The following MRPL37 variants were observed in gnomAD, a reference collection of about 807,000 sequenced individuals.
MRPL37 encodes the protein large ribosomal subunit protein mL37.
A neutral mutation model predicts 44.1 loss-of-function variants in MRPL37; 34 were observed. The observed-to-expected ratio is 0.77, with a 90% confidence interval of 0.59 to 1.03. The LOEUF is 1.03. Ranked by LOEUF, MRPL37 falls within the 50% of genes least tolerant of loss-of-function variation. The probability of loss-of-function intolerance (pLI) is 0.00; values close to 1 mark genes in which losing one functional copy is unlikely to be tolerated. For synonymous variants in MRPL37, 212 were observed against 219.5 expected, an observed-to-expected ratio of 0.97 and a Z score of 0.30; for missense variants, 532 against 543.7, an observed-to-expected ratio of 0.98 and a Z score of 0.21.
At chr1:54,225,244 T>TC (rs1644269087), downstream of MRPL37, 1 of 1,234,114 alleles carries the variant, frequency 8.1e-7, no homozygotes, top group Non-Finnish European at 1.0e-6. Flanking sequence ...CAACCCACCT[T>TC]CCGCCAAGGC....
intron 5 of MRPL37, among the ~76,000 whole-genome samples, chr1:54,214,141 C>T (rs1644183169): frequency 6.6e-6 from 1 of 152,168 alleles, no homozygotes; most frequent in Non-Finnish European, 1.5e-5. Flanking sequence ...TGAAAGATTG[C>T]ACCACTACAC....
At chr1:54,212,996 C>T (rs1644175169) in intron 5 of MRPL37, among the ~76,000 whole-genome samples, 1 of 152,198 alleles carries the variant, frequency 6.6e-6, no homozygotes, top group African/African-American at 2.4e-5. Context: ...GCTAGGTCTG[C>T]CCCACTCTGA....
At chr1:54,225,393 A>G (rs1009760785), downstream of MRPL37, 6 of 1,233,966 alleles carry the variant, frequency 4.9e-6, no homozygotes, top group African/African-American at 4.7e-5. Context: ...TCAGTGTAAT[A>G]AACTCCAACC....
At chr1:54,224,208 C>T (rs1644257765), downstream of MRPL37, among the ~76,000 whole-genome samples, 1 of 152,234 alleles carries the variant, frequency 6.6e-6, no homozygotes, top group South Asian at 2.1e-4. Flanking sequence ...TCAGTCTCTT[C>T]ATCTCTCCAA....
chr1:54,225,008 G>C (rs1039934371), downstream of MRPL37: 1 of 1,057,946 alleles, frequency 9.5e-7, no homozygotes, highest in Non-Finnish European at 1.2e-6. Context: ...TGGGGGCCTG[G>C]GGTGAAGCCA....
chr1:54,206,883 C>T (rs1273453914), intron 3 of MRPL37, among the ~76,000 whole-genome samples: 4 of 149,052 alleles, frequency 2.7e-5, no homozygotes, highest in South Asian at 2.2e-4. Flanking sequence ...TACAGGTACC[C>T]GCCACCATGC....
chr1:54,212,282 T>A (rs939798866), intron 4 of MRPL37, among the ~76,000 whole-genome samples: 1 of 152,216 alleles, frequency 6.6e-6, no homozygotes, highest in African/African-American at 2.4e-5. Flanking sequence ...GTGAATGTGG[T>A]TGTGCTCCAG....
chr1:54,215,798 C>T (rs1039155226), intron 5 of MRPL37, among the ~76,000 whole-genome samples: 1 of 152,196 alleles, frequency 6.6e-6, no homozygotes, highest in East Asian at 1.9e-4. Context: ...TATCAAGTAA[C>T]GCCAGGAGTT....
chr1:54,209,450 ATTTTTTT>A (rs35454838), intron 3 of MRPL37, among the ~76,000 whole-genome samples: 1 of 137,710 alleles, frequency 7.3e-6, no homozygotes, highest in African/African-American at 2.7e-5. Context: ...AAAGTCTTTA[ATTTTTTT>A]TTTTTTTTTT....
chr1:54,203,467 CTTTTTTTTT>C (rs780467512), intron 1 of MRPL37, among the ~76,000 whole-genome samples: 50 of 98,884 alleles, frequency 5.1e-4, no homozygotes, highest in African/African-American at 2.0e-3. Flanking sequence ...ACTTCATTTA[CTTTTTTTTT>C]TTTTTTTTTT....
Position 54,200,345 on chromosome 1 carries a change from C to T in MRPL37, c.102C>T (p.Gly34=), listed in dbSNP as rs754723882. ...CGAGACGCGGGGCGTATGAGTGGGG[C>T]GTGCGCTCCACGCGGAAGTCGGAGC... ...GAPRRGAYEW[G]VRSTRKSEPP... Residue 34 remains glycine, a synonymous_variant, in exon 1 of 7, where the codon GGC becomes GGT. Transcript: ENST00000360840. 3.1e-6 allele frequency: 5 copies of T among 1,613,962 alleles called. No individual in the cohort carries two copies. In the South Asian group the frequency reaches 5.5e-5, roughly 18 times the overall value.
At chr1:54,205,235 A>G (rs1489779457) in intron 2 of MRPL37, 34 bp downstream of exon 2, 1 of 1,608,230 alleles carries the variant, frequency 6.2e-7, no homozygotes, top group Middle Eastern at 1.7e-4. Flanking sequence ...ATTTCCTACT[A>G]ATGGATCTTC....
At chr1:54,220,827 G>A (rs949026558), downstream of MRPL37, 10 of 468,652 alleles carry the variant, frequency 2.1e-5, no homozygotes, top group Non-Finnish European at 4.4e-5. Flanking sequence ...CCCACGAGAG[G>A]AACTTCCAGC....
At chr1:54,205,943 C>G (rs1644118517) in intron 3 of MRPL37, among the ~76,000 whole-genome samples, 1 of 152,114 alleles carries the variant, frequency 6.6e-6, no homozygotes, top group Non-Finnish European at 1.5e-5. Context: ...CTTAGTCTTT[C>G]TAGTCTTATC....
At chr1:54,203,477 T>TC (rs1644099073) in intron 1 of MRPL37, among the ~76,000 whole-genome samples, 1 of 144,784 alleles carries the variant, frequency 6.9e-6, no homozygotes, top group East Asian at 2.0e-4. Flanking sequence ...CTTTTTTTTT[T>TC]TTTTTTTTTT....
At position 54,218,250 on chromosome 1, in the gene MRPL37, G is replaced by C; in HGVS notation, c.*1G>C. ...TCTATATTTGCATGGTGCTGCGTGAGCGGAGGACCCCTCTGAATCCTGAAA... is the reference window on the plus strand; with the variant it reads ...TCTATATTTGCATGGTGCTGCGTGACCGGAGGACCCCTCTGAATCCTGAAA... On this transcript the variant is annotated 3_prime_UTR_variant, in exon 7 of 7. Coordinates refer to ENST00000360840, the MANE Select transcript of MRPL37 (RefSeq NM_016491.4). 6.2e-7 allele frequency: 1 copy of C among 1,614,220 alleles called. No homozygotes were observed. The highest frequency in any genetic ancestry group is 8.5e-7 in the Non-Finnish European group (1 of 1,180,042).
Position 54,218,232 on chromosome 1 carries a change from T to G in MRPL37, c.1255T>G (p.Leu419Val), listed in dbSNP as rs1644211048. ...ETFRKFLALY[L>V]HGAA is the part of the protein sequence containing the mutation. ...ATTCAGAAAGTTTTTAGCTCTATATTTGCATGGTGCTGCGTGAGCGGAGGA... is the reference window on the plus strand; with the variant it reads ...ATTCAGAAAGTTTTTAGCTCTATATGTGCATGGTGCTGCGTGAGCGGAGGA... The change falls in exon 7 of 7, where the codon TTG becomes GTG. Residue 419 changes from leucine (L) to valine (V), a missense_variant. Physicochemically the swap from Leu to Val is conservative, Grantham distance 32 (BLOSUM62 1). Transcript: ENST00000360840. 1 of 1,614,220 alleles carries G rather than the reference T, an allele frequency of 6.2e-7. No homozygotes were observed. The highest frequency in any genetic ancestry group is 8.5e-7 in the Non-Finnish European group (1 of 1,180,040).
chr1:54,220,961 T>C, downstream of MRPL37: 2 of 378,756 alleles, frequency 5.3e-6, no homozygotes, highest in South Asian at 4.1e-5. Flanking sequence ...CAAGCTTCAG[T>C]GGCAAGGGAA....
In MRPL37 at chr1:54,216,262, A is replaced by G. The variant is rs749458749; in HGVS notation, c.1112A>G (p.Lys371Arg). The change falls in exon 6 of 7, where the codon AAG (lysine) becomes AGG (arginine). Residue 371 changes from lysine (K) to arginine (R), a missense_variant. Coordinates refer to ENST00000360840, the MANE Select transcript of MRPL37 (RefSeq NM_016491.4). ...GACCTGGACTGTAACGAGGGTGTCA[A>G]GAATTTGGCCTGGGTGGACTCAGAC... ...TTDLDCNEGVKNLAWVDSDQL... is the reference protein window; with the variant it reads ...TTDLDCNEGVRNLAWVDSDQL... 19 of 1,614,090 alleles carry G rather than the reference A, an allele frequency of 1.2e-5. No individual in the cohort carries two copies. Among genetic ancestry groups the G allele is most frequent in the Admixed American group, 3.3e-5 (2 of 60,006 alleles).
Sources: gnomAD v4.1 joint callset for allele counts (sites outside exome capture counted in the v4.1 genomes callset) on GRCh38, gnomAD v4.1.1 for gene constraint, MANE v1.5 for transcripts, NCBI Gene and HGNC (gene_info 2026-07-23, HGNC 2026-07-21) for gene names.